The following BRINP3 variants were observed in gnomAD, a reference collection of about 807,000 sequenced individuals.
The protein encoded by BRINP3 is BMP/retinoic acid inducible neural specific 3, also known as BMP/retinoic acid-inducible neural-specific protein 3.
In BRINP3, 19 loss-of-function variants were observed where a neutral mutation model predicts 71.0. The ratio of observed to expected loss-of-function variants is 0.27; its 90% CI spans 0.19 to 0.39. The LOEUF (loss-of-function observed/expected upper bound fraction) is 0.39. BRINP3 is among the 10% of genes least tolerant of loss of function. The pLI, the probability that BRINP3 is intolerant of heterozygous loss-of-function variation, is 1.00. For synonymous variants in BRINP3, 380 were observed against 337.7 expected, an observed-to-expected ratio of 1.13 and a Z score of -1.37; for missense variants, 959 against 940.8, an observed-to-expected ratio of 1.02 and a Z score of -0.25.
intron 2 of BRINP3, among the ~76,000 whole-genome samples, chr1:190,394,287 G>T (rs1022269529): frequency 1.7e-4 from 25 of 151,438 alleles, no homozygotes; most frequent in Admixed American, 1.7e-3. Context: ...AGTATTTAAT[G>T]AGTCCTTAGA....
At chr1:190,349,442 T>C (rs561944764) in intron 2 of BRINP3, among the ~76,000 whole-genome samples, 4 of 152,118 alleles carry the variant, frequency 2.6e-5, no homozygotes, top group Non-Finnish European at 5.9e-5. Context: ...TCCAAACCCA[T>C]ATGATAGAGT....
intron 4 of BRINP3, among the ~76,000 whole-genome samples, chr1:190,257,886 G>T (rs1371712248): frequency 6.6e-6 from 1 of 152,154 alleles, no homozygotes; most frequent in Non-Finnish European, 1.5e-5. Flanking sequence ...CCTGTATGAG[G>T]TGTCAGTTGG....
intron 1 of BRINP3, among the ~76,000 whole-genome samples, chr1:190,463,080 G>A (rs1676502195): frequency 6.6e-6 from 1 of 151,810 alleles, no homozygotes; most frequent in South Asian, 2.1e-4. Context: ...GGGTTGAAAA[G>A]TATAATCATG....
intron 2 of BRINP3, among the ~76,000 whole-genome samples, chr1:190,309,249 C>T (rs914952293): frequency 6.6e-6 from 1 of 151,294 alleles, no homozygotes; most frequent in African/African-American, 2.4e-5. Flanking sequence ...TTAGAGTACC[C>T]CAAAATTTGA....
chr1:190,263,866 G>C (rs1661416837), intron 4 of BRINP3, among the ~76,000 whole-genome samples: 1 of 152,074 alleles, frequency 6.6e-6, no homozygotes, highest in African/African-American at 2.4e-5. Context: ...GGGATAACAG[G>C]CCTGAGCCAC....
intron 4 of BRINP3, among the ~76,000 whole-genome samples, chr1:190,244,192 G>T (rs1287006991): frequency 6.6e-6 from 1 of 151,964 alleles, no homozygotes; most frequent in East Asian, 1.9e-4. Context: ...CCAGTTCCTG[G>T]TGCCAAAATG....
chr1:190,247,327 C>T (rs527855447), intron 4 of BRINP3, among the ~76,000 whole-genome samples: 36 of 151,794 alleles, frequency 2.4e-4, no homozygotes, highest in Non-Finnish European at 4.6e-4. Context: ...TACAAATATG[C>T]ATTTTTGTTT....
chr1:190,399,460 A>G (rs1181560342), intron 2 of BRINP3, among the ~76,000 whole-genome samples: 5 of 151,990 alleles, frequency 3.3e-5, no homozygotes, highest in African/African-American at 7.2e-5. Context: ...CGCGAGCATG[A>G]AACTGAAGTA....
intron 2 of BRINP3, among the ~76,000 whole-genome samples, chr1:190,324,434 T>G (rs1425434958): frequency 6.6e-6 from 1 of 151,876 alleles, no homozygotes; most frequent in Non-Finnish European, 1.5e-5. Flanking sequence ...ATTCCCAAAT[T>G]TTATCAATAA....
Position 190,461,149 on chromosome 1 carries a change from T to C in BRINP3, c.-50-6209A>G, listed in dbSNP as rs1676372117. Among the ~76,000 whole-genome samples, 4 of 152,360 alleles carry C rather than the reference T, an allele frequency of 2.6e-5. 1 individual carries two copies. The highest frequency in any genetic ancestry group is 2.6e-4 in the Admixed American group (4 of 15,310). ...TATCTGATCTCTTTAAAATAACTTA[T>C]GAAATTATCTTTCCTTGCTTAACTC... On this transcript the variant is annotated intron_variant, in intron 1 of 7. Transcript: ENST00000367462.
At chr1:190,207,307 T>C (rs1392476331) in intron 6 of BRINP3, among the ~76,000 whole-genome samples, 2 of 152,118 alleles carry the variant, frequency 1.3e-5, no homozygotes, top group African/African-American at 4.8e-5. Flanking sequence ...GCATAGCCAG[T>C]GCGACAAATT....
At chr1:190,456,359 G>A (rs1309387234) in intron 1 of BRINP3, among the ~76,000 whole-genome samples, 1 of 152,110 alleles carries the variant, frequency 6.6e-6, no homozygotes, top group Non-Finnish European at 1.5e-5. Context: ...TGCTCACTGA[G>A]GGGATTAAAG....
At chr1:190,307,565 G>A (rs1442188949) in intron 2 of BRINP3, among the ~76,000 whole-genome samples, 3 of 151,794 alleles carry the variant, frequency 2.0e-5, no homozygotes, top group Non-Finnish European at 4.4e-5. Flanking sequence ...CTTAATATAT[G>A]TTAATAGAAA....
At chr1:190,278,269 T>C (rs1662765102) in intron 3 of BRINP3, among the ~76,000 whole-genome samples, 1 of 151,732 alleles carries the variant, frequency 6.6e-6, no homozygotes, top group South Asian at 2.1e-4. Context: ...TAAAAAGGTT[T>C]GCTTATATAC....
At position 190,180,265 on chromosome 1, in the gene BRINP3, A is replaced by G. The variant is rs1192793496; in HGVS notation, c.962-19375T>C. Among the ~76,000 whole-genome samples, 9 of 152,252 alleles carry G rather than the reference A, an allele frequency of 5.9e-5. No homozygotes were observed. The East Asian group carries it at 1.7e-3, about 29-fold the overall frequency. On this transcript the variant is annotated intron_variant, in intron 6 of 7. Transcript: ENST00000367462. ...AACCAGATAACCCCATGTGTCTCACATTTTACATTACAGTTTCACAACCTA... is the reference window on the plus strand; with the variant it reads ...AACCAGATAACCCCATGTGTCTCACGTTTTACATTACAGTTTCACAACCTA...
chr1:190,395,116 T>C (rs959954517), intron 2 of BRINP3, among the ~76,000 whole-genome samples: 2 of 151,812 alleles, frequency 1.3e-5, no homozygotes, highest in African/African-American at 4.8e-5. Flanking sequence ...ATTTCTCATA[T>C]CATTTTTGCC....
intron 6 of BRINP3, among the ~76,000 whole-genome samples, chr1:190,202,621 C>T (rs1655105398): frequency 6.6e-6 from 1 of 151,970 alleles, no homozygotes; most frequent in Admixed American, 6.6e-5. Context: ...GGAGGGACCT[C>T]ATGGGGGATG....
intron 6 of BRINP3, among the ~76,000 whole-genome samples, chr1:190,186,465 T>C (rs1653536960): frequency 6.6e-6 from 1 of 152,134 alleles, no homozygotes; most frequent in Admixed American, 6.6e-5. Context: ...TAAAATATAT[T>C]GTGGATTTAA....
intron 2 of BRINP3, among the ~76,000 whole-genome samples, chr1:190,425,561 A>ATTCCC (rs1283407007): frequency 6.6e-6 from 1 of 151,766 alleles, no homozygotes; most frequent in Non-Finnish European, 1.5e-5. Flanking sequence ...AAGAATGGCA[A>ATTCCC]TTCCTTCTAC....
Sources: allele counts gnomAD v4.1 joint callset (sites outside exome capture counted in the v4.1 genomes callset), GRCh38; gene constraint gnomAD v4.1.1; transcripts MANE v1.5; gene names NCBI Gene and HGNC (gene_info 2026-07-23, HGNC 2026-07-21).